Variants in EYA2 observed in about 807,000 individuals in gnomAD.
EYA2 encodes the protein EYA transcriptional coactivator and phosphatase 2, also known as protein phosphatase EYA2.
Under a neutral mutation model 69.2 loss-of-function variants are expected in EYA2, and 31 were observed. The observed-to-expected ratio is 0.45, with a 90% CI of 0.34 to 0.60. The LOEUF (loss-of-function observed/expected upper bound fraction) is 0.60. Among genes scored for constraint, EYA2 ranks in the 20% least tolerant of loss-of-function variants. EYA2 has a pLI of 0.02. For missense variants in EYA2, 622 were observed against 701.2 expected (o/e 0.89, Z 1.28); for synonymous variants, 257 against 279.4 (o/e 0.92, Z 0.80).
chr20:47,113,856 G>GTTT (rs35238851), intron 9 of EYA2, among the ~76,000 whole-genome samples: 43 of 147,712 alleles, frequency 2.9e-4, no homozygotes, highest in South Asian at 1.9e-3. Flanking sequence ...TCCTAGATGG[G>GTTT]TTTTTTTTTT....
intron 9 of EYA2, among the ~76,000 whole-genome samples, chr20:47,115,644 C>T (rs1011047975): frequency 6.6e-6 from 1 of 152,142 alleles, no homozygotes; most frequent in African/African-American, 2.4e-5. Flanking sequence ...CTCCTCCGCC[C>T]TCTCCACGGG....
intron 12 of EYA2, among the ~76,000 whole-genome samples, chr20:47,175,875 A>G (rs2034417064): frequency 6.6e-6 from 1 of 152,192 alleles, no homozygotes; most frequent in Non-Finnish European, 1.5e-5. Context: ...GTTCTCCTAG[A>G]GTTGATAGAC....
At chr20:47,009,263 C>A (rs991645163) in intron 4 of EYA2, among the ~76,000 whole-genome samples, 2 of 152,194 alleles carry the variant, frequency 1.3e-5, no homozygotes, top group African/African-American at 4.8e-5. Flanking sequence ...AAGCCGTTTC[C>A]CTTTACATCT....
intron 1 of EYA2, among the ~76,000 whole-genome samples, chr20:46,957,350 A>G (rs1423981901): frequency 2.0e-5 from 3 of 152,208 alleles, no homozygotes; most frequent in East Asian, 3.8e-4. Flanking sequence ...GCTGAATAAG[A>G]TATCAGGAAG....
chr20:47,018,698 C>T (rs371434731), intron 5 of EYA2, among the ~76,000 whole-genome samples: 4 of 152,210 alleles, frequency 2.6e-5, no homozygotes, highest in African/African-American at 9.6e-5. Context: ...CCTATCCTCC[C>T]CAGAGCAGGA....
chr20:47,021,626 CA>C (rs11477310), intron 5 of EYA2, among the ~76,000 whole-genome samples: 65,135 of 81,948 alleles, frequency 0.79, 25,135 homozygotes, highest in Non-Finnish European at 0.87. Flanking sequence ...GACTCCATCT[CA>C]AAAAAAAAAA....
intron 5 of EYA2, among the ~76,000 whole-genome samples, chr20:47,047,271 T>C (rs2030089035): frequency 6.6e-6 from 1 of 152,012 alleles, no homozygotes; most frequent in Non-Finnish European, 1.5e-5. Context: ...GATCTGAGAC[T>C]CCTAGGCGAG....
chr20:47,084,202 C>T (rs1048410301), intron 7 of EYA2, among the ~76,000 whole-genome samples: 1 of 151,408 alleles, frequency 6.6e-6, no homozygotes, highest in Non-Finnish European at 1.5e-5. Context: ...GCCAGAATTG[C>T]GCCACTGCAC....
intron 5 of EYA2, among the ~76,000 whole-genome samples, chr20:47,042,049 A>G (rs1270363631): frequency 6.6e-6 from 1 of 152,230 alleles, no homozygotes; most frequent in Admixed American, 6.5e-5. Flanking sequence ...ATAGCCAAGT[A>G]TCCAAATCTG....
At chr20:46,980,302 T>C (rs1297759103) in intron 1 of EYA2, among the ~76,000 whole-genome samples, 3 of 152,206 alleles carry the variant, frequency 2.0e-5, no homozygotes, top group Non-Finnish European at 4.4e-5. Flanking sequence ...ATTTCTAGTA[T>C]CTGTAAACTA....
intron 10 of EYA2, among the ~76,000 whole-genome samples, chr20:47,147,743 A>G (rs2033731482): frequency 6.6e-6 from 1 of 152,156 alleles, no homozygotes; most frequent in Admixed American, 6.6e-5. Flanking sequence ...CCCAGGGGAA[A>G]GAATCTGTGG....
intron 5 of EYA2, among the ~76,000 whole-genome samples, chr20:47,036,156 G>C (rs953270909): frequency 1.3e-5 from 2 of 152,190 alleles, no homozygotes; most frequent in Admixed American, 6.5e-5. Flanking sequence ...AGAAAACTGA[G>C]ACTCCAAGGG....
At position 47,005,185 on chromosome 20, in the gene EYA2, C is replaced by G. The variant is rs920655101; in HGVS notation, c.298+101C>G. The stretch of plus-strand genomic sequence containing the variant: ...CTAAATGTGGATTAATAGACACAAC[C>G]AAGCTGATTTTGGATTAGAGATAAA... On this transcript the variant is annotated intron_variant, in intron 4 of 15. Transcript: ENST00000327619. The G allele has an allele frequency of 5.2e-6, 7 of 1,353,372 alleles. No individual in the cohort carries two copies. In the South Asian group the frequency reaches 9.0e-5, roughly 17 times the overall value. The allele number at this position is 1,353,372 out of a possible 1,614,324, so 83.8% of individuals were successfully genotyped here. A position where few individuals can be genotyped will look rare whatever the true frequency, so the allele number is the denominator to read the frequency against.
At chr20:46,935,675 A>T (rs1039036130) in intron 1 of EYA2, among the ~76,000 whole-genome samples, 45 of 152,152 alleles carry the variant, frequency 3.0e-4, no homozygotes, top group Admixed American at 2.6e-3. Context: ...ACCTGCTTAC[A>T]GGGCTGTTAT....
intron 4 of EYA2, among the ~76,000 whole-genome samples, chr20:47,008,333 A>G (rs1287769807): frequency 6.6e-6 from 1 of 152,206 alleles, no homozygotes; most frequent in Non-Finnish European, 1.5e-5. Context: ...GCAGAGGTGG[A>G]ATTAAGCCCA....
At chr20:47,042,957 A>G (rs955028793) in intron 5 of EYA2, among the ~76,000 whole-genome samples, 1 of 152,172 alleles carries the variant, frequency 6.6e-6, no homozygotes, top group African/African-American at 2.4e-5. Flanking sequence ...ACCTGGGTAC[A>G]TTGCCGCTCC....
chr20:47,013,259 G>T (rs1412893022), intron 4 of EYA2, among the ~76,000 whole-genome samples: 1 of 152,128 alleles, frequency 6.6e-6, no homozygotes, highest in Non-Finnish European at 1.5e-5. Flanking sequence ...TGAGTGCCAG[G>T]CAGGAGAACT....
At chr20:47,028,905 G>A (rs1027720116) in intron 5 of EYA2, among the ~76,000 whole-genome samples, 1 of 151,968 alleles carries the variant, frequency 6.6e-6, no homozygotes, top group Non-Finnish European at 1.5e-5. Context: ...GCTGGTTATT[G>A]CGATGCCATA....
intron 5 of EYA2, among the ~76,000 whole-genome samples, chr20:47,023,086 T>G (rs1401313196): frequency 1.3e-5 from 2 of 152,150 alleles, no homozygotes; most frequent in East Asian, 3.8e-4. Flanking sequence ...GTTACACATT[T>G]ACCTAGTTCG....
Sources: allele counts gnomAD v4.1 joint callset (sites outside exome capture counted in the v4.1 genomes callset), GRCh38; gene constraint gnomAD v4.1.1; transcripts MANE v1.5; gene names NCBI Gene and HGNC (gene_info 2026-07-23, HGNC 2026-07-21).